ADAMTS3: variants seen among roughly 807,000 people sequenced by gnomAD.
ADAMTS3 encodes A disintegrin and metalloproteinase with thrombospondin motifs 3.
A neutral mutation model predicts 129.0 loss-of-function variants in ADAMTS3; 73 were observed. The ratio of observed to expected loss-of-function variants is 0.57; its 90% CI spans 0.47 to 0.69. The LOEUF (loss-of-function observed/expected upper bound fraction) is 0.69, where lower values mean the gene tolerates loss of function less well. ADAMTS3 is among the 30% of genes least tolerant of loss of function. The probability of loss-of-function intolerance (pLI) is 0.00; values close to 1 mark genes in which losing one functional copy is unlikely to be tolerated. For missense variants in ADAMTS3, 1,457 were observed against 1,514.5 expected (o/e 0.96, Z 0.63); for synonymous variants, 477 against 510.8 (o/e 0.93, Z 0.89).
intron 2 of ADAMTS3, among the ~76,000 whole-genome samples, chr4:72,552,398 T>A (rs1170125788): frequency 2.0e-5 from 3 of 152,176 alleles, no homozygotes; most frequent in South Asian, 2.1e-4. Flanking sequence ...ATTAAAATAA[T>A]GTTGTGGTTC....
In ADAMTS3 at chr4:72,416,960, T is replaced by C. The variant is rs558242108; in HGVS notation, c.505-1989A>G. On this transcript the variant is annotated intron_variant, in intron 3 of 21. Transcript: ENST00000286657. Reference sequence around the variant, plus strand: ...TTATCTCATCCCTAACACCATCTGCTGGTAGCAAAAAGCGTGAACCGGCTT... The same window carrying C: ...TTATCTCATCCCTAACACCATCTGCCGGTAGCAAAAAGCGTGAACCGGCTT... 2.0e-5 allele frequency among the ~76,000 whole-genome samples: 3 copies of C among 152,328 alleles called. No homozygotes were observed. In the South Asian group the frequency reaches 6.2e-4, roughly 32 times the overall value.
intron 3 of ADAMTS3, among the ~76,000 whole-genome samples, chr4:72,511,657 T>C (rs149483191): frequency 1.3e-5 from 2 of 152,316 alleles, no homozygotes; most frequent in Non-Finnish European, 2.9e-5. Flanking sequence ...TTGCACACTG[T>C]TAATGAGAAT....
chr4:72,519,197 C>T (rs545247623), intron 3 of ADAMTS3, among the ~76,000 whole-genome samples: 62 of 152,194 alleles, frequency 4.1e-4, no homozygotes, highest in Non-Finnish European at 6.2e-4. Flanking sequence ...GAGTTTCTGC[C>T]GAGAGATCCG....
At chr4:72,445,722 C>A (rs1718233121) in intron 3 of ADAMTS3, among the ~76,000 whole-genome samples, 1 of 151,658 alleles carries the variant, frequency 6.6e-6, no homozygotes, top group Non-Finnish European at 1.5e-5. Flanking sequence ...AAACCCACCA[C>A]AGAAAAACAC....
intron 3 of ADAMTS3, among the ~76,000 whole-genome samples, chr4:72,417,666 C>T (rs1447161465): frequency 2.0e-5 from 3 of 151,912 alleles, no homozygotes; most frequent in South Asian, 2.1e-4. Flanking sequence ...CGCAGTGGCT[C>T]ACACCTGTAA....
intron 4 of ADAMTS3, among the ~76,000 whole-genome samples, chr4:72,358,755 T>C (rs922247547): frequency 1.3e-5 from 2 of 151,976 alleles, no homozygotes; most frequent in Non-Finnish European, 2.9e-5. Context: ...AAGAATTATG[T>C]ATGTAAAATG....
intron 2 of ADAMTS3, among the ~76,000 whole-genome samples, chr4:72,559,446 G>A (rs1721847168): frequency 6.6e-6 from 1 of 151,710 alleles, no homozygotes; most frequent in African/African-American, 2.4e-5. Flanking sequence ...ACTACACTGA[G>A]ATACAAACAT....
intron 3 of ADAMTS3, among the ~76,000 whole-genome samples, chr4:72,467,201 A>G (rs1718944774): frequency 6.6e-6 from 1 of 151,994 alleles, no homozygotes; most frequent in Non-Finnish European, 1.5e-5. Context: ...CTTTATTTCT[A>G]ACTGCCAAGT....
chr4:72,417,820 C>G (rs10032348), intron 3 of ADAMTS3, among the ~76,000 whole-genome samples: 32,521 of 149,992 alleles, frequency 0.22, 3,845 homozygotes, highest in Middle Eastern at 0.31. Flanking sequence ...GTAGTCCCAG[C>G]TACTCGGGAG....
At chr4:72,467,402 G>T (rs1270849065) in intron 3 of ADAMTS3, among the ~76,000 whole-genome samples, 1 of 151,976 alleles carries the variant, frequency 6.6e-6, no homozygotes, top group Non-Finnish European at 1.5e-5. Context: ...CTCCTAAAAT[G>T]CAAGAGCACT....
intron 5 of ADAMTS3, among the ~76,000 whole-genome samples, chr4:72,325,797 A>G (rs978530974): frequency 6.6e-6 from 1 of 152,154 alleles, no homozygotes. Context: ...CCTACAACAG[A>G]AAGTCTTAGA....
rs571631978 is a variant in ADAMTS3, at chr4:72,545,330, G to A, written c.504+3148C>T. On this transcript the variant is annotated intron_variant, in intron 3 of 21. Coordinates refer to ENST00000286657, the MANE Select transcript of ADAMTS3 (RefSeq NM_014243.3). ...CTGCCTATTTGAAGAAGGAGGAAAG[G>A]TGGATGATGTATCCAATAGCTCAGA... Among the ~76,000 whole-genome samples, 7 of 152,270 alleles carry A rather than the reference G, an allele frequency of 4.6e-5. No individual in the cohort carries two copies. The East Asian group carries it at 1.4e-3, about 29-fold the overall frequency.
intron 4 of ADAMTS3, among the ~76,000 whole-genome samples, chr4:72,378,465 T>C (rs543269492): frequency 2.5e-4 from 38 of 152,274 alleles, no homozygotes; most frequent in African/African-American, 8.7e-4. Flanking sequence ...ATTGTTATGA[T>C]TGTTATTAGC....
At chr4:72,546,225 C>G (rs1721462892) in intron 3 of ADAMTS3, among the ~76,000 whole-genome samples, 1 of 152,056 alleles carries the variant, frequency 6.6e-6, no homozygotes, top group East Asian at 1.9e-4. Context: ...AGAAGAGAGG[C>G]TCTCTTTATG....
At chr4:72,320,050 A>C in intron 7 of ADAMTS3, 87 bp from the exon 8 acceptor site, 4 of 1,053,984 alleles carry the variant, frequency 3.8e-6, no homozygotes, top group Non-Finnish European at 1.4e-6. Context: ...GGGGGAAAAA[A>C]GTAAAAGCCT....
chr4:72,476,030 C>T lies in ADAMTS3; in HGVS notation c.505-61059G>A, dbSNP rs960529464. On this transcript the variant is annotated intron_variant, in intron 3 of 21. Coordinates refer to ENST00000286657, the MANE Select transcript of ADAMTS3 (RefSeq NM_014243.3). ...CATACATTAGAAAAAAGAAAAATCT[C>T]GAATCAATAAGCTAAGCCCCTACCT... Among the ~76,000 whole-genome samples, 7 of 151,806 alleles carry T rather than the reference C, an allele frequency of 4.6e-5. No individual in the cohort carries two copies. The East Asian group carries it at 5.8e-4, about 13-fold the overall frequency.
chr4:72,562,043 A>G (rs1721916418), intron 2 of ADAMTS3, among the ~76,000 whole-genome samples: 1 of 152,212 alleles, frequency 6.6e-6, no homozygotes, highest in Admixed American at 6.5e-5. Flanking sequence ...CAACTCTCAG[A>G]TTGCACTGTA....
Position 72,299,045 on chromosome 4 carries a change from T to A in ADAMTS3, c.2425-603A>T, listed in dbSNP as rs919297064. 9.9e-4 allele frequency among the ~76,000 whole-genome samples: 144 copies of A among 146,004 alleles called. 3 individuals carry two copies. Among genetic ancestry groups the A allele is most frequent in the Non-Finnish European group, 2.7e-4 (18 of 67,008 alleles). ...ATTATTGTGATAGTCCCTCAAGATA[T>A]TTGCATTCTGTGTGTGTGTGTGTGT... is the stretch of plus-strand genomic sequence containing the variant. On this transcript the variant is annotated intron_variant, in intron 17 of 21. Coordinates refer to ENST00000286657, the MANE Select transcript of ADAMTS3 (RefSeq NM_014243.3).
At chr4:72,549,105 G>T (rs2109788758) in intron 2 of ADAMTS3, among the ~76,000 whole-genome samples, 1 of 152,208 alleles carries the variant, frequency 6.6e-6, no homozygotes, top group Non-Finnish European at 1.5e-5. Flanking sequence ...ACTTAAAATA[G>T]TATTAAAATT....
Sources: gnomAD v4.1 joint callset for allele counts (sites outside exome capture counted in the v4.1 genomes callset) on GRCh38, gnomAD v4.1.1 for gene constraint, MANE v1.5 for transcripts, NCBI Gene and HGNC (gene_info 2026-07-23, HGNC 2026-07-21) for gene names.